ATG9B: variants seen among roughly 807,000 people sequenced by gnomAD.
ATG9B encodes autophagy-related protein 9B.
A neutral mutation model predicts 92.9 loss-of-function variants in ATG9B; 92 were observed. That is an observed-to-expected ratio of 0.99 (90% confidence interval 0.84 to 1.18). The LOEUF is 1.18. ATG9B is among the 50% of genes most tolerant of loss of function. The pLI is 0.00. For synonymous variants in ATG9B, 599 were observed against 551.4 expected, an observed-to-expected ratio of 1.09 and a Z score of -1.21; for missense variants, 1,344 against 1,235.0, an observed-to-expected ratio of 1.09 and a Z score of -1.32.
At position 151,018,965 on chromosome 7, in the gene ATG9B, A is replaced by G; in HGVS notation, c.1373T>C (p.Val458Ala). 6.3e-7 allele frequency: 1 copy of G among 1,577,838 alleles called. No homozygotes were observed. The highest frequency in any genetic ancestry group is 8.6e-7 in the Non-Finnish European group (1 of 1,167,320). Reference protein sequence around the residue: ...ALSPLVLAWQVLHVFYSHVEL... With the variant: ...ALSPLVLAWQALHVFYSHVEL... ...CACGTGGCTATAGAAGACGTGCAGAACCTGCCAGGCCAGCACCAGCGGGCT... is the reference window on the plus strand; with the variant it reads ...CACGTGGCTATAGAAGACGTGCAGAGCCTGCCAGGCCAGCACCAGCGGGCT... The change falls in exon 6 of 14, where the codon GTT (valine) becomes GCT (alanine). Residue 458 changes from valine (V) to alanine (A), a missense_variant. Transcript: ENST00000639579. The surrounding 1 kb of genome is among the most constrained non-coding windows in gnomAD (Gnocchi z 4.7).
Position 151,019,062 on chromosome 7 carries a change from C to G in ATG9B, c.1276G>C (p.Asp426His). Reference protein sequence around the residue: ...WELPHAYKRSDQRGALAARWG... With the variant: ...WELPHAYKRSHQRGALAARWG... ...CGCGCTGCTAGGGCGCCCCGCTGGT[C>G]GCTGCGCTTGTAGGCGTGCGGCAGC... Residue 426 changes from aspartate to histidine, a missense_variant, in exon 6 of 14, where the codon GAC (aspartate) becomes CAC (histidine). Asp to His is a moderately conservative substitution (Grantham distance 81, BLOSUM62 -1). Transcript: ENST00000639579. 1 of 1,536,760 alleles carries G rather than the reference C, an allele frequency of 6.5e-7. No individual in the cohort carries two copies. The highest frequency in any genetic ancestry group is 1.2e-5 in the South Asian group (1 of 83,972).
chr7:151,024,454 G>A lies in ATG9B; in HGVS notation c.-31C>T. The A allele has an allele frequency of 7.6e-7, 1 of 1,312,976 alleles. No homozygotes were observed. The highest frequency in any genetic ancestry group is 9.8e-7 in the Non-Finnish European group (1 of 1,024,728). The allele number at this position is 1,312,976 out of a possible 1,614,324, so 81.3% of individuals were successfully genotyped here. On this transcript the variant is annotated 5_prime_UTR_variant, in exon 1 of 14. Coordinates refer to ENST00000639579, the MANE Select transcript of ATG9B (RefSeq NM_001317056.2). The stretch of plus-strand genomic sequence containing the variant: ...CACGGCTTCTCCAGAAAGGTTGGAA[G>A]GATGGGAGCTGTTGTTGCTTCCACA...
intron 5 of ATG9B, 118 bp downstream of exon 5, chr7:151,021,070 C>A: frequency 8.0e-7 from 1 of 1,255,824 alleles, no homozygotes; most frequent in South Asian, 1.3e-5. Flanking sequence ...TCAATAAGAC[C>A]TCGCTCTTTC....
chr7:151,013,884 T>C, downstream of ATG9B: 1 of 1,601,948 alleles, frequency 6.2e-7, no homozygotes, highest in Non-Finnish European at 8.5e-7. Flanking sequence ...GACATGGAGC[T>C]GGACGAGGCC....
chr7:151,019,108 C>A lies in ATG9B; in HGVS notation c.1230G>T (p.Ser410=), dbSNP rs1303048542. 6.5e-7 allele frequency: 1 copy of A among 1,535,872 alleles called. No individual in the cohort carries two copies. The highest frequency in any genetic ancestry group is 1.2e-5 in the South Asian group (1 of 84,082). Residue 410 remains serine (S), a synonymous_variant, in exon 6 of 14, where the codon TCG becomes TCT. Transcript: ENST00000639579. ...VDLLLFRGPF[S]LFRGGWELPH... is the part of the protein sequence containing the mutation. ...GCAGCTCCCAGCCCCCGCGGAAGAGCGAGAAGGGACCGCGGAAGAGCAGCA... is the reference window on the plus strand; with the variant it reads ...GCAGCTCCCAGCCCCCGCGGAAGAGAGAGAAGGGACCGCGGAAGAGCAGCA...
chr7:151,016,434 G>T lies in ATG9B; in HGVS notation c.2517C>A (p.His839Gln). ...CTTTGGGCACCCCTCTACTCACCTG[G>T]TGCAGGTAGATGACATGGAGACTCA... The part of the protein sequence containing the change: ...AEMSLHVIYL[H>Q]QLHQQQQQQE... Residue 839 changes from histidine (H) to glutamine (Q), a missense_variant, in exon 11 of 14, where the codon CAC becomes CAA. By Grantham distance (24) the His-to-Gln change is conservative. Transcript: ENST00000639579. 3 of 1,551,370 alleles carry T rather than the reference G, an allele frequency of 1.9e-6. No individual in the cohort carries two copies. Among genetic ancestry groups the T allele is most frequent in the African/African-American group, 1.4e-5 (1 of 73,138 alleles).
rs1325156863 is a variant in ATG9B, at chr7:151,023,120, T to C, written c.746A>G (p.His249Arg). 10 of 1,614,160 alleles carry C rather than the reference T, an allele frequency of 6.2e-6. No individual in the cohort carries two copies. Among genetic ancestry groups the C allele is most frequent in the Non-Finnish European group, 8.5e-6 (10 of 1,180,038 alleles). Residue 249 changes from histidine to arginine, a missense_variant, in exon 4 of 14, where the codon CAT becomes CGT. Physicochemically the swap from His to Arg is conservative, Grantham distance 29 (BLOSUM62 0). Transcript: ENST00000639579. Reference sequence around the variant, plus strand: ...GCTGTGGAACGGCCCAGGTCTGGTATGGTTACTTGGTTGGTTGGCAAAGAG... The same window carrying C: ...GCTGTGGAACGGCCCAGGTCTGGTACGGTTACTTGGTTGGTTGGCAAAGAG... ...NVLFANQPSNHTRPGPFHSKV... is the reference protein window; with the variant it reads ...NVLFANQPSNRTRPGPFHSKV...
In ATG9B at chr7:151,023,440, C is replaced by T. The variant is rs746967427; in HGVS notation, c.659+5G>A. 6.2e-7 allele frequency: 1 copy of T among 1,612,894 alleles called. No individual in the cohort carries two copies. Among genetic ancestry groups the T allele is most frequent in the Non-Finnish European group, 8.5e-7 (1 of 1,179,552 alleles). On this transcript the variant is annotated splice_donor_5th_base_variant and intron_variant, in intron 3 of 13. Transcript: ENST00000639579. ...CGAGTTCCGGGCCCGGGCTAAGCGTCTCACCCCAGCTGGAAGACATCCTCC... is the reference window on the plus strand; with the variant it reads ...CGAGTTCCGGGCCCGGGCTAAGCGTTTCACCCCAGCTGGAAGACATCCTCC...
At chr7:151,012,489 A>G (rs1490371656), downstream of ATG9B, 1 of 1,609,618 alleles carries the variant, frequency 6.2e-7, no homozygotes, top group Non-Finnish European at 8.5e-7. Context: ...CTGGGGACTA[A>G]AGGACTGCCT....
intron 9 of ATG9B, 103 bp downstream of exon 9, chr7:151,016,933 G>T (rs1795516956): frequency 6.7e-7 from 1 of 1,500,400 alleles, no homozygotes; most frequent in Non-Finnish European, 9.0e-7. Context: ...TGGGGGCGGG[G>T]GCTGGTGAGG....
At chr7:151,014,031 C>T (rs150714379), downstream of ATG9B, 825 of 1,613,232 alleles carry the variant, frequency 5.1e-4, 9 homozygotes, top group Admixed American at 0.012. Context: ...ACCACGAAGA[C>T]ATTTTCGGGC....
rs886999380 is a variant in ATG9B at position 151,024,415 on chromosome 7, G to C, written c.9C>G (p.Ser3Arg). MV[S>R]RMGWGGRRRR... ...TTCTTCTCCCCCCCCAGCCCATTCGGCTCACCATCAGGCCACGGCTTCTCC... is the reference window on the plus strand; with the variant it reads ...TTCTTCTCCCCCCCCAGCCCATTCGCCTCACCATCAGGCCACGGCTTCTCC... The change falls in exon 1 of 14, where the codon AGC becomes AGG. Residue 3 changes from serine to arginine, a missense_variant. By Grantham distance (110) the Ser-to-Arg change is moderately radical. Transcript: ENST00000639579. The C allele has an allele frequency of 2.1e-5, 29 of 1,363,378 alleles. No individual in the cohort carries two copies. Among genetic ancestry groups the C allele is most frequent in the Non-Finnish European group, 2.5e-5 (26 of 1,053,160 alleles). 84.5% of individuals were successfully genotyped at this position (1,363,378 alleles called of 1,614,324 possible).
In ATG9B at chr7:151,019,025, G is replaced by C. The variant is rs566093054; in HGVS notation, c.1313C>G (p.Thr438Arg). 2 of 1,553,252 alleles carry C rather than the reference G, an allele frequency of 1.3e-6. No homozygotes were observed. Among genetic ancestry groups the C allele is most frequent in the African/African-American group, 1.4e-5 (1 of 73,450 alleles). Reference sequence around the variant, plus strand: ...GTTCAGGGCGGCCAGCAGCAGCACTGTGCGCCCCCAGCGCGCTGCTAGGGC... The same window carrying C: ...GTTCAGGGCGGCCAGCAGCAGCACTCTGCGCCCCCAGCGCGCTGCTAGGGC... ...RGALAARWGR[T>R]VLLLAALNLA... The change falls in exon 6 of 14, where the codon ACA (threonine) becomes AGA (arginine). Residue 438 changes from threonine (T) to arginine (R), a missense_variant. By Grantham distance (71) the Thr-to-Arg change is moderately conservative (BLOSUM62 -1). Coordinates refer to ENST00000639579, the MANE Select transcript of ATG9B (RefSeq NM_001317056.2).
intron 8 of ATG9B, 136 bp downstream of exon 8, chr7:151,017,735 G>A: frequency 9.1e-7 from 1 of 1,098,620 alleles, no homozygotes; most frequent in Non-Finnish European, 1.3e-6. Flanking sequence ...GGGCACGAGA[G>A]CACAGGAAGG....
rs1285427074 is a variant in ATG9B at position 151,017,899 on chromosome 7, A to G, written c.2024T>C (p.Met675Thr). ...GVGDICSFAL[M>T]DVKRHGHPQW... ...AGGGTGTCCGTGGCGCTTCACATCC[A>G]TAAGGGCAAAGGAACAGATGTCCCC... The change falls in exon 8 of 14, where the codon ATG (methionine) becomes ACG (threonine). Residue 675 changes from methionine (M) to threonine (T), a missense_variant. By Grantham distance (81) the Met-to-Thr change is moderately conservative. Transcript: ENST00000639579. 1.2e-6 allele frequency: 2 copies of G among 1,609,816 alleles called. No homozygotes were observed. Among genetic ancestry groups the G allele is most frequent in the East Asian group, 2.2e-5 (1 of 44,816 alleles).
rs1795522982 is a variant in ATG9B at position 151,017,048 on chromosome 7, G to A, written c.2277C>T (p.Cys759=). 1.3e-6 allele frequency: 2 copies of A among 1,593,614 alleles called. No homozygotes were observed. The highest frequency in any genetic ancestry group is 1.1e-5 in the South Asian group (1 of 88,494). ...GPSTPGVLSN[C]TSPLPEAFLA... is the part of the protein sequence containing the mutation. ...GCTTGGGACTCACCAGGGGCGAGGT[G>A]CAGTTGCTGAGCACCCCCGGGGTGG... The change falls in exon 9 of 14, where the codon TGC becomes TGT. Residue 759 remains cysteine, a synonymous_variant. Coordinates refer to ENST00000639579, the MANE Select transcript of ATG9B (RefSeq NM_001317056.2).
chr7:151,021,050 A>T, intron 5 of ATG9B, 138 bp downstream of exon 5: 1 of 991,860 alleles, frequency 1.0e-6, no homozygotes, highest in Non-Finnish European at 1.5e-6. Context: ...TTCTGGGCCT[A>T]GGGCAGGTGT....
Position 151,023,223 on chromosome 7 carries a change from G to C in ATG9B, c.660-17C>G, listed in dbSNP as rs186532668. On this transcript the variant is annotated splice_polypyrimidine_tract_variant and intron_variant, in intron 3 of 13. Coordinates refer to ENST00000639579, the MANE Select transcript of ATG9B (RefSeq NM_001317056.2). ...ATAAATTGTCTGCCGGGAGGAAGGG[G>C]GGGTGCCGGGATGCTGCAGTGATCA... 1.9e-4 allele frequency: 299 copies of C among 1,614,084 alleles called. 1 individual carries two copies. The highest frequency in any genetic ancestry group is 6.7e-4 in the Admixed American group (40 of 60,024).
downstream of ATG9B, chr7:151,014,187 C>A: frequency 6.3e-7 from 1 of 1,587,624 alleles, no homozygotes; most frequent in East Asian, 2.3e-5. Flanking sequence ...CTGGCTTTCC[C>A]TTCCAGTTCC....
Sources: allele counts gnomAD v4.1 joint callset, GRCh38; gene constraint gnomAD v4.1.1; non-coding constraint Gnocchi (gnomAD v3.1); transcripts MANE v1.5; gene names NCBI Gene and HGNC (gene_info 2026-07-23, HGNC 2026-07-21).